MAIP1: variants seen among roughly 807,000 people sequenced by gnomAD.
MAIP1 encodes m-AAA protease-interacting protein 1, mitochondrial.
A neutral mutation model predicts 31.2 loss-of-function variants in MAIP1; 28 were observed. The observed-to-expected ratio is 0.90, with a 90% confidence interval of 0.67 to 1.23. MAIP1 has a LOEUF of 1.23. Among genes scored for constraint, MAIP1 ranks in the 50% most tolerant of loss-of-function variants. MAIP1 has a pLI of 0.00. For missense variants in MAIP1, 339 were observed against 356.0 expected, an observed-to-expected ratio of 0.95 and a Z score of 0.38; for synonymous variants, 142 against 142.3, an observed-to-expected ratio of 1.00 and a Z score of 0.02.
Position 199,955,628 on chromosome 2 carries a change from G to T in MAIP1, c.-171G>T, listed in dbSNP as rs897800513. The T allele has an allele frequency of 6.0e-6, 7 of 1,175,078 alleles. No homozygotes were observed. Among genetic ancestry groups the T allele is most frequent in the Non-Finnish European group, 8.2e-6 (7 of 850,162 alleles). The allele number at this position is 1,175,078 out of a possible 1,614,324, so 72.8% of individuals were successfully genotyped here. ...CGAGCGCGGGGCGGGTTGCCGAAGG[G>T]CCTCGGCCTGGGCTGCGTGCTGGAG... On this transcript the variant is annotated 5_prime_UTR_variant, in exon 1 of 5. Coordinates refer to ENST00000392290, the MANE Select transcript of MAIP1 (RefSeq NM_001394955.1).
upstream of MAIP1, chr2:199,955,572 C>A: frequency 6.9e-7 from 1 of 1,452,484 alleles, no homozygotes; most frequent in South Asian, 1.3e-5. Flanking sequence ...AAAAGGTCCG[C>A]GAGGCCGGCA....
intron 4 of MAIP1, among the ~76,000 whole-genome samples, chr2:199,962,212 A>G (rs1421927610): frequency 6.6e-6 from 1 of 152,150 alleles, no homozygotes; most frequent in East Asian, 1.9e-4. Flanking sequence ...TTTGCCTGCT[A>G]TTTCACTGCT....
intron 1 of MAIP1, among the ~76,000 whole-genome samples, chr2:199,958,335 G>GT (rs2077618906): frequency 6.6e-6 from 1 of 152,048 alleles, no homozygotes; most frequent in Non-Finnish European, 1.5e-5. Flanking sequence ...TCTCTTTAAG[G>GT]CTTTATCTCC....
chr2:199,961,726 G>T (rs2077637673), intron 3 of MAIP1, 55 bp from the exon 4 acceptor site: 15 of 1,498,986 alleles, frequency 1.0e-5, no homozygotes, highest in Non-Finnish European at 1.0e-5. Flanking sequence ...TGTTTATATG[G>T]ATGATAGATT....
intron 1 of MAIP1, among the ~76,000 whole-genome samples, chr2:199,956,830 A>G (rs997658724): frequency 1.3e-5 from 2 of 152,194 alleles, no homozygotes; most frequent in African/African-American, 4.8e-5. Context: ...GAGATGAGCA[A>G]TTTTACCCTT....
chr2:199,959,434 G>C lies in MAIP1; in HGVS notation c.522+95G>C, dbSNP rs940088680. 8 of 771,964 alleles carry C rather than the reference G, an allele frequency of 1.0e-5. No individual in the cohort carries two copies. In the Admixed American group the frequency reaches 1.2e-4, roughly 11 times the overall value. The allele number at this position is 771,964 out of a possible 1,614,324, so 47.8% of individuals were successfully genotyped here. ...CCTTATTTATGCTTAAAAATAGTGT[G>C]TGTGCCAGCATCCAAAGTAGAGTCT... On this transcript the variant is annotated intron_variant, in intron 2 of 4. Transcript: ENST00000392290.
Position 199,959,899 on chromosome 2 carries a change from C to G in MAIP1, c.649+19C>G, listed in dbSNP as rs1203937816. 6.2e-7 allele frequency: 1 copy of G among 1,606,054 alleles called. No homozygotes were observed. The highest frequency in any genetic ancestry group is 1.1e-5 in the South Asian group (1 of 90,256). ...GAGAAAGGTAATACCAGAGCATAGT[C>G]AACTTGAAATGATCCATAATTGTCC... On this transcript the variant is annotated intron_variant, in intron 3 of 4. Coordinates refer to ENST00000392290, the MANE Select transcript of MAIP1 (RefSeq NM_001394955.1).
chr2:199,961,001 A>G (rs199915078), intron 3 of MAIP1, among the ~76,000 whole-genome samples: 2 of 152,314 alleles, frequency 1.3e-5, no homozygotes, highest in East Asian at 3.9e-4. Flanking sequence ...TTTTTGCATC[A>G]GGAGTTTGTC....
Position 199,963,864 on chromosome 2 carries a change from G to T in MAIP1, c.*53G>T. 8.5e-7 allele frequency: 1 copy of T among 1,169,622 alleles called. No homozygotes were observed. The allele number at this position is 1,169,622 out of a possible 1,614,324, so 72.5% of individuals were successfully genotyped here. On this transcript the variant is annotated 3_prime_UTR_variant, in exon 5 of 5. Coordinates refer to ENST00000392290, the MANE Select transcript of MAIP1 (RefSeq NM_001394955.1). ...TTTAGCAGTTGCTGTGAAAAACTAAGGAAGAAAAATTTTGGGGTCATTTGA... is the reference window on the plus strand; with the variant it reads ...TTTAGCAGTTGCTGTGAAAAACTAATGAAGAAAAATTTTGGGGTCATTTGA...
chr2:199,959,218 T>C, intron 1 of MAIP1, 50 bp from the exon 2 acceptor site: 1 of 899,808 alleles, frequency 1.1e-6, no homozygotes, highest in Non-Finnish European at 1.9e-6. Context: ...GAACATGGTA[T>C]GGTATTTTGA....
chr2:199,955,698 A>T lies in MAIP1; in HGVS notation c.-101A>T. 8.0e-7 allele frequency: 1 copy of T among 1,247,076 alleles called. No individual in the cohort carries two copies. 77.3% of individuals were successfully genotyped at this position (1,247,076 alleles called of 1,614,324 possible). A position where few individuals can be genotyped will look rare whatever the true frequency, so the allele number is the denominator to read the frequency against. ...CACCAGAGGCTGCAGCAACAGGTCC[A>T]CTTTGCTCTCCAGTCTCTTTCTCCG... On this transcript the variant is annotated 5_prime_UTR_variant, in exon 1 of 5. Coordinates refer to ENST00000392290, the MANE Select transcript of MAIP1 (RefSeq NM_001394955.1).
At chr2:199,958,819 A>C (rs1285076330) in intron 1 of MAIP1, among the ~76,000 whole-genome samples, 1 of 152,104 alleles carries the variant, frequency 6.6e-6, no homozygotes, top group African/African-American at 2.4e-5. Flanking sequence ...CACTTTCCCA[A>C]ACCTACATTA....
In MAIP1 at chr2:199,959,834, T is replaced by C. The variant is rs372408374; in HGVS notation, c.603T>C (p.Ile201=). The C allele has an allele frequency of 1.1e-5, 18 of 1,612,222 alleles. No homozygotes were observed. Among genetic ancestry groups the C allele is most frequent in the African/African-American group, 4.0e-5 (3 of 74,904 alleles). Residue 201 remains isoleucine (I), a synonymous_variant, in exon 3 of 5, where the codon ATT becomes ATC. Coordinates refer to ENST00000392290, the MANE Select transcript of MAIP1 (RefSeq NM_001394955.1). The part of the protein sequence containing the change: ...KNALAANIDE[I]VFTSTGDISI... ...CCCTTGCTGCTAACATAGATGAAAT[T>C]GTATTTACATCAACAGGAGACATCT...
chr2:199,960,446 A>T (rs940663591), intron 3 of MAIP1, among the ~76,000 whole-genome samples: 2 of 152,204 alleles, frequency 1.3e-5, no homozygotes, highest in Non-Finnish European at 2.9e-5. Context: ...TTCCTGATAC[A>T]TACAAAGTTG....
At chr2:199,956,306 A>G (rs1032694748) in intron 1 of MAIP1, 58 bp downstream of exon 1, 2 of 1,362,510 alleles carry the variant, frequency 1.5e-6, no homozygotes, top group Non-Finnish European at 2.0e-6. Flanking sequence ...TATTGCTCGC[A>G]GAAGTGCTTA....
chr2:199,959,633 GTAAA>G, intron 2 of MAIP1, 117 bp from the exon 3 acceptor site: 1 of 805,484 alleles, frequency 1.2e-6, no homozygotes. Context: ...TTGAGGATGA[GTAAA>G]TACGGTAGTA....
rs2077623878 is a variant in MAIP1 at position 199,959,289 on chromosome 2, T to A, written c.472T>A (p.Leu158Met). The A allele has an allele frequency of 1.9e-6, 3 of 1,593,940 alleles. No individual in the cohort carries two copies. The highest frequency in any genetic ancestry group is 2.6e-6 in the Non-Finnish European group (3 of 1,162,000). ...CAAGGCTTTTGCTCATGTATCCAAG[T>A]TGCTGTCACAGTGTAAATTTGATCT... ...AKQAFAHVSK[L>M]LSQCKFDLLE... Residue 158 changes from leucine to methionine, a missense_variant, in exon 2 of 5, where the codon TTG becomes ATG. Transcript: ENST00000392290.
chr2:199,957,277 A>T (rs535975424), intron 1 of MAIP1, among the ~76,000 whole-genome samples: 1 of 152,254 alleles, frequency 6.6e-6, no homozygotes, highest in South Asian at 2.1e-4. Context: ...CTGTAGTCCC[A>T]CCTACTCTGG....
At chr2:199,963,031 T>A (rs994493306) in intron 4 of MAIP1, among the ~76,000 whole-genome samples, 2 of 151,000 alleles carry the variant, frequency 1.3e-5, no homozygotes, top group African/African-American at 2.4e-5. Flanking sequence ...ATATCCTCAT[T>A]TTTTTTTTGC....
Sources: allele counts gnomAD v4.1 joint callset (sites outside exome capture counted in the v4.1 genomes callset), GRCh38; gene constraint gnomAD v4.1.1; transcripts MANE v1.5; gene names NCBI Gene and HGNC (gene_info 2026-07-23, HGNC 2026-07-21).